ZPLD1: variants seen among roughly 807,000 people sequenced by gnomAD.
The protein encoded by ZPLD1 is zona pellucida like domain containing 1.
A neutral mutation model predicts 47.2 loss-of-function variants in ZPLD1; 34 were observed. That is an observed-to-expected ratio of 0.72 (90% CI 0.55 to 0.96). The LOEUF (loss-of-function observed/expected upper bound fraction) is 0.96. ZPLD1 is among the 40% of genes least tolerant of loss of function. ZPLD1 has a pLI of 0.00. For missense variants in ZPLD1, 512 were observed against 505.8 expected (o/e 1.01, Z -0.12); for synonymous variants, 176 against 186.2 (o/e 0.95, Z 0.45).
intron 6 of ZPLD1, among the ~76,000 whole-genome samples, chr3:102,389,856 A>G (rs1419779983): frequency 6.6e-6 from 1 of 152,200 alleles, no homozygotes; most frequent in Non-Finnish European, 1.5e-5. Flanking sequence ...TTATTCTCAG[A>G]TGGATCCTGA....
At position 102,406,308 on chromosome 3, in the gene ZPLD1, C is replaced by A. The variant is rs148650589; in HGVS notation, c.-156-11752C>A. 3.1e-4 allele frequency among the ~76,000 whole-genome samples: 47 copies of A among 152,054 alleles called. No homozygotes were observed. The East Asian group carries it at 5.5e-3, about 18-fold the overall frequency. ...TCTAAACCTAGAAGGGCACCCTTTTCTATGGCATAAGCTTGACACACAACT... is the reference window on the plus strand; with the variant it reads ...TCTAAACCTAGAAGGGCACCCTTTTATATGGCATAAGCTTGACACACAACT... On this transcript the variant is annotated intron_variant, in intron 7 of 17. Transcript: ENST00000491959.
chr3:102,470,301 G>T (rs1249945259), intron 9 of ZPLD1, 93 bp from the exon 10 acceptor site: 6 of 847,942 alleles, frequency 7.1e-6, no homozygotes, highest in Non-Finnish European at 9.7e-6. Flanking sequence ...TAAACATGTG[G>T]TATCTCTTCC....
intron 7 of ZPLD1, among the ~76,000 whole-genome samples, chr3:102,413,224 A>AT (rs916354559): frequency 5.3e-5 from 8 of 151,742 alleles, no homozygotes; most frequent in South Asian, 2.1e-4. Context: ...TAAAAAGACT[A>AT]TTTTTTTAAC....
upstream of ZPLD1, among the ~76,000 whole-genome samples, chr3:102,432,745 GT>G (rs1333191651): frequency 1.3e-5 from 2 of 151,940 alleles, no homozygotes; most frequent in African/African-American, 4.8e-5. Flanking sequence ...TTCCCAAAGA[GT>G]AATTTGTGCA....
intron 8 of ZPLD1, among the ~76,000 whole-genome samples, chr3:102,466,369 T>C (rs988028239): frequency 6.6e-6 from 1 of 152,090 alleles, no homozygotes; most frequent in African/African-American, 2.4e-5. Context: ...CTTTCAAACT[T>C]GAATGATAAA....
At chr3:102,470,777 T>TTTTA (rs553807555) in intron 10 of ZPLD1, among the ~76,000 whole-genome samples, 109 of 151,500 alleles carry the variant, frequency 7.2e-4, no homozygotes, top group African/African-American at 2.5e-3. Flanking sequence ...GCTGGACCTG[T>TTTTA]TTTATTTATT....
intron 7 of ZPLD1, among the ~76,000 whole-genome samples, chr3:102,401,768 C>T (rs899422760): frequency 6.6e-6 from 1 of 152,004 alleles, no homozygotes; most frequent in African/African-American, 2.4e-5. Flanking sequence ...TTTAGTATAG[C>T]CCCTTTGTTG....
intron 6 of ZPLD1, among the ~76,000 whole-genome samples, chr3:102,390,573 A>G (rs868755192): frequency 1.3e-5 from 2 of 152,256 alleles, no homozygotes; most frequent in South Asian, 2.1e-4. Context: ...AGATGCCTCT[A>G]TTAAGCCTGT....
At chr3:102,399,506 T>C (rs1257553746) in intron 7 of ZPLD1, among the ~76,000 whole-genome samples, 1 of 152,080 alleles carries the variant, frequency 6.6e-6, no homozygotes, top group African/African-American at 2.4e-5. Context: ...TCTCATCATG[T>C]AGATATCGGC....
chr3:102,400,719 A>G (rs556941854), intron 7 of ZPLD1, among the ~76,000 whole-genome samples: 3 of 152,120 alleles, frequency 2.0e-5, no homozygotes, highest in African/African-American at 7.2e-5. Context: ...GTGATGCTCA[A>G]GGGTAGAGAT....
chr3:102,449,337 C>T (rs1707302892), intron 3 of ZPLD1, among the ~76,000 whole-genome samples: 1 of 152,202 alleles, frequency 6.6e-6, no homozygotes, highest in Non-Finnish European at 1.5e-5. Context: ...GTGGGTCACG[C>T]TAATGTGTCT....
At chr3:102,437,837 T>C (rs946779516) in intron 2 of ZPLD1, among the ~76,000 whole-genome samples, 10 of 152,236 alleles carry the variant, frequency 6.6e-5, no homozygotes, top group Non-Finnish European at 1.5e-4. Flanking sequence ...CAAGGAGCAG[T>C]TGTGGGAGGA....
intron 8 of ZPLD1, among the ~76,000 whole-genome samples, chr3:102,468,495 T>A (rs553114344): frequency 6.6e-6 from 1 of 152,318 alleles, no homozygotes; most frequent in South Asian, 2.1e-4. Context: ...CGGAAAGATC[T>A]CTAACACTGC....
chr3:102,390,492 C>T (rs1706482935), intron 6 of ZPLD1, among the ~76,000 whole-genome samples: 1 of 152,214 alleles, frequency 6.6e-6, no homozygotes, highest in African/African-American at 2.4e-5. Flanking sequence ...TTAAATCTGG[C>T]TTACTCAGGT....
At chr3:102,472,533 A>G (rs1395061922) in intron 10 of ZPLD1, among the ~76,000 whole-genome samples, 1 of 103,834 alleles carries the variant, frequency 9.6e-6, no homozygotes, top group Non-Finnish European at 2.5e-5. Context: ...CTCTGTCTCA[A>G]AAAAAAAAAA....
At chr3:102,415,771 T>C (rs1706798548) in intron 7 of ZPLD1, among the ~76,000 whole-genome samples, 1 of 151,864 alleles carries the variant, frequency 6.6e-6, no homozygotes, top group African/African-American at 2.4e-5. Context: ...ATTTTCTAAC[T>C]GGAGTAATTC....
At chr3:102,398,998 C>G (rs1706589447) in intron 7 of ZPLD1, among the ~76,000 whole-genome samples, 1 of 152,106 alleles carries the variant, frequency 6.6e-6, no homozygotes, top group African/African-American at 2.4e-5. Flanking sequence ...ACATGTATAA[C>G]AACGCTAGTA....
chr3:102,407,392 AATATATATATATATATAT>A lies in ZPLD1; in HGVS notation c.-156-10634_-156-10617del, dbSNP rs63183460. Reference sequence around the variant, plus strand: ...GTATTTATAGAAGCCTTGATTTTCAAATATATATATATATATATATATATATATATATATATATATATA... The same window carrying A: ...GTATTTATAGAAGCCTTGATTTTCAAATATATATATATATATATATATATA... On this transcript the variant is annotated intron_variant, in intron 7 of 17. Coordinates refer to the ZPLD1 transcript ENST00000491959. 8.6e-3 allele frequency among the ~76,000 whole-genome samples: 327 copies of A among 37,896 alleles called. 11 individuals are homozygous for A. The highest frequency in any genetic ancestry group is 0.067 in the East Asian group (29 of 434). The allele number at this position is 37,896 out of a possible 152,430, so 24.9% of individuals were successfully genotyped here.
chr3:102,411,964 C>A (rs2107299582), intron 7 of ZPLD1, among the ~76,000 whole-genome samples: 1 of 151,800 alleles, frequency 6.6e-6, no homozygotes, highest in African/African-American at 2.4e-5. Flanking sequence ...AGTCCAAAAT[C>A]TGTAGGGCGG....
Sources: gnomAD v4.1 joint callset for allele counts (sites outside exome capture counted in the v4.1 genomes callset) on GRCh38, gnomAD v4.1.1 for gene constraint, MANE v1.5 for transcripts, NCBI Gene and HGNC (gene_info 2026-07-23, HGNC 2026-07-21) for gene names.